The following STAT3 variants were observed in gnomAD, a reference collection of about 807,000 sequenced individuals.
STAT3 encodes the protein signal transducer and activator of transcription 3.
STAT3 carries 7 observed loss-of-function variants against 114.3 expected under a neutral mutation model. The observed-to-expected ratio is 0.06, with a 90% CI of 0.03 to 0.11. STAT3 has a LOEUF of 0.11. Ranked by LOEUF, STAT3 falls within the 10% of genes least tolerant of loss-of-function variation. The pLI, the probability that STAT3 is intolerant of heterozygous loss-of-function variation, is 1.00. For synonymous variants in STAT3, 331 were observed against 354.5 expected (o/e 0.93, Z 0.74); for missense variants, 364 against 960.9 (o/e 0.38, Z 8.21).
chr17:42,381,529 T>C (rs2084795163), intron 1 of STAT3, among the ~76,000 whole-genome samples: 2 of 151,476 alleles, frequency 1.3e-5, no homozygotes, highest in South Asian at 4.2e-4. Flanking sequence ...ATTGAGACCA[T>C]CCTGGCTAAC....
intron 1 of STAT3, among the ~76,000 whole-genome samples, chr17:42,353,362 G>A (rs201724425): frequency 1.4e-4 from 17 of 125,450 alleles, no homozygotes; most frequent in East Asian, 2.1e-4. Context: ...AAAAAAAAAA[G>A]AAAGAAAGAA....
intron 1 of STAT3, among the ~76,000 whole-genome samples, chr17:42,357,402 G>A (rs1175439752): frequency 6.6e-6 from 1 of 152,204 alleles, no homozygotes; most frequent in African/African-American, 2.4e-5. Context: ...CTGTAGGCCA[G>A]GTGTGGTGGC....
intron 23 of STAT3, chr17:42,316,556 A>G (rs1454730211): frequency 8.5e-7 from 1 of 1,182,334 alleles, no homozygotes; most frequent in East Asian, 3.1e-5. Context: ...AGTATGTTGG[A>G]TTTAGTGGGT....
At chr17:42,385,334 C>G (rs1343478340) in intron 1 of STAT3, among the ~76,000 whole-genome samples, 2 of 151,838 alleles carry the variant, frequency 1.3e-5, no homozygotes, top group East Asian at 3.9e-4. Flanking sequence ...TATAGTGAAA[C>G]CTTATCTCTA....
At chr17:42,355,949 G>C (rs551423616) in intron 1 of STAT3, among the ~76,000 whole-genome samples, 3 of 152,166 alleles carry the variant, frequency 2.0e-5, no homozygotes, top group Non-Finnish European at 4.4e-5. Context: ...AGAACAGAAA[G>C]TGATCTAAAG....
In STAT3 at chr17:42,345,574, T is replaced by C; in HGVS notation, c.357A>G (p.Ala119=). The change falls in exon 4 of 24, where the codon GCA becomes GCG. Residue 119 remains alanine, a synonymous_variant. Transcript: ENST00000264657. ...CAGGTCTCACCTGGGCCGCAGTGGC[T>C]GCAGTCTGTAGAAGGCGTGATTCTT... ...LWEESRLLQT[A]ATAAQQGGQA... 1.2e-6 allele frequency: 2 copies of C among 1,606,072 alleles called. No individual in the cohort carries two copies. Among genetic ancestry groups the C allele is most frequent in the Non-Finnish European group, 1.7e-6 (2 of 1,175,612 alleles).
intron 22 of STAT3, 53 bp from the exon 23 acceptor site, chr17:42,316,954 A>G: frequency 5.1e-6 from 8 of 1,578,662 alleles, no homozygotes; most frequent in Non-Finnish European, 6.9e-6. Flanking sequence ...ACAAGACACA[A>G]TGGAAAAAAA....
At chr17:42,317,150 T>A in intron 22 of STAT3, 32 bp downstream of exon 22, 2 of 1,613,818 alleles carry the variant, frequency 1.2e-6, no homozygotes, top group South Asian at 1.1e-5. Context: ...ATATTAGAAA[T>A]GAAGGCAAAA....
rs549867126 is a variant in STAT3 at position 42,364,776 on chromosome 17, C to T, written c.-23-16237G>A. On this transcript the variant is annotated intron_variant, in intron 1 of 23. Transcript: ENST00000264657. Reference sequence around the variant, plus strand: ...GGGGTTACAGGCGTGAGCCACTGCGCCTGGCCAAGAATTTAAATTTCTGAG... The same window carrying T: ...GGGGTTACAGGCGTGAGCCACTGCGTCTGGCCAAGAATTTAAATTTCTGAG... 2.5e-4 allele frequency among the ~76,000 whole-genome samples: 38 copies of T among 152,312 alleles called. 1 individual carries two copies. The South Asian group carries it at 5.4e-3, about 22-fold the overall frequency.
intron 4 of STAT3, chr17:42,345,348 G>C: frequency 1.8e-6 from 1 of 553,140 alleles, no homozygotes; most frequent in Non-Finnish European, 3.1e-6. Context: ...GGATTCTTTT[G>C]GTGGAACTTT....
chr17:42,350,736 G>A (rs2082907821), intron 1 of STAT3, among the ~76,000 whole-genome samples: 1 of 152,188 alleles, frequency 6.6e-6, no homozygotes, highest in Non-Finnish European at 1.5e-5. Context: ...GTACCTCCCA[G>A]CAGTCTTTAC....
At chr17:42,372,655 T>C (rs575328904) in intron 1 of STAT3, among the ~76,000 whole-genome samples, 3 of 152,260 alleles carry the variant, frequency 2.0e-5, no homozygotes, top group South Asian at 2.1e-4. Context: ...TCAAAATCCA[T>C]AGAATGCTCA....
In STAT3 at chr17:42,333,071, T is replaced by TA. The variant is rs2082090962; in HGVS notation, c.1049+601dup. On this transcript the variant is annotated intron_variant, in intron 10 of 23. Coordinates refer to ENST00000264657, the MANE Select transcript of STAT3 (RefSeq NM_139276.3). This position sits in a 1 kb window ranked among gnomAD's most constrained non-coding sequence, Gnocchi z 5.2. ...AGAAAACATCTAAGAACTAACAACT[T>TA]AAAGTTGTGAGAGATTCACAAAAGG... Among the ~76,000 whole-genome samples, 1 of 152,238 alleles carries TA rather than the reference T, an allele frequency of 6.6e-6. No individual in the cohort carries two copies. The highest frequency in any genetic ancestry group is 2.1e-4 in the South Asian group (1 of 4,826).
chr17:42,387,951 C>A, intron 1 of STAT3: 1 of 260,896 alleles, frequency 3.8e-6, no homozygotes, highest in Non-Finnish European at 7.2e-6. Context: ...CCGGAACGTC[C>A]CCAGGGCCCC....
Position 42,346,556 on chromosome 17 carries a change from T to C in STAT3, c.273+13A>G. The stretch of plus-strand genomic sequence containing the variant: ...GGGTCCTGTTTCTCCTTGTCCTCAG[T>C]TTCTCATCATACCTGAAGAAACTGC... On this transcript the variant is annotated intron_variant, in intron 3 of 23. Transcript: ENST00000264657. 6.2e-7 allele frequency: 1 copy of C among 1,614,098 alleles called. No homozygotes were observed. Among genetic ancestry groups the C allele is most frequent in the Non-Finnish European group, 8.5e-7 (1 of 1,180,010 alleles).
At chr17:42,378,757 G>A (rs1326195957) in intron 1 of STAT3, among the ~76,000 whole-genome samples, 1 of 152,120 alleles carries the variant, frequency 6.6e-6, no homozygotes, top group Non-Finnish European at 1.5e-5. Context: ...TTTGGTTTAC[G>A]GGAGAGGTAA....
At chr17:42,328,812 CT>C (rs1567713317) in intron 14 of STAT3, among the ~76,000 whole-genome samples, 4 of 152,216 alleles carry the variant, frequency 2.6e-5, no homozygotes, top group East Asian at 1.9e-4. Flanking sequence ...TCACATTTAC[CT>C]TTTTTTGTTT....
intron 4 of STAT3, among the ~76,000 whole-genome samples, chr17:42,345,021 T>C (rs1360446289): frequency 2.0e-5 from 3 of 151,590 alleles, no homozygotes; most frequent in African/African-American, 7.3e-5. Flanking sequence ...ATCCCAGCAC[T>C]GTGGGAGGCT....
At chr17:42,384,998 C>T (rs1219380777) in intron 1 of STAT3, among the ~76,000 whole-genome samples, 2 of 152,168 alleles carry the variant, frequency 1.3e-5, no homozygotes, top group African/African-American at 2.4e-5. Flanking sequence ...TCCAATAGAA[C>T]GTTCTATGAT....
Sources: gnomAD v4.1 joint callset for allele counts (sites outside exome capture counted in the v4.1 genomes callset) on GRCh38, gnomAD v4.1.1 for gene constraint, Gnocchi (gnomAD v3.1) non-coding constraint, MANE v1.5 for transcripts, NCBI Gene and HGNC (gene_info 2026-07-23, HGNC 2026-07-21) for gene names.